The following FAM193B variants were observed in gnomAD, a reference collection of about 807,000 sequenced individuals.
The protein encoded by FAM193B is family with sequence similarity 193 member B.
Under a neutral mutation model 70.7 loss-of-function variants are expected in FAM193B, and 27 were observed. That is an observed-to-expected ratio of 0.38 (90% CI 0.28 to 0.53). The LOEUF (loss-of-function observed/expected upper bound fraction) is 0.53. FAM193B is among the 20% of genes least tolerant of loss of function. The pLI, the probability that FAM193B is intolerant of heterozygous loss-of-function variation, is 0.81. For synonymous variants in FAM193B, 448 were observed against 436.0 expected (o/e 1.03, Z -0.34); for missense variants, 1,022 against 1,072.5 (o/e 0.95, Z 0.66).
Position 177,554,485 on chromosome 5 carries a change from CCA to C in FAM193B, c.-29_-28del, listed in dbSNP as rs1766791419. Reference sequence around the variant, plus strand: ...CCGCCGCTCGCGCCGCTCCCTCGCTCCACACGCCGCCGCCGCCGCCGCCGCCG... The same window carrying C: ...CCGCCGCTCGCGCCGCTCCCTCGCTCCACGCCGCCGCCGCCGCCGCCGCCG... On this transcript the variant is annotated 5_prime_UTR_variant, in exon 1 of 9. Transcript: ENST00000514747. The C allele has an allele frequency of 1.4e-5, 10 of 729,742 alleles. No individual in the cohort carries two copies. Among genetic ancestry groups the C allele is most frequent in the Admixed American group, 4.9e-4 (1 of 2,036 alleles). The allele number at this position is 729,742 out of a possible 1,614,324, so 45.2% of individuals were successfully genotyped here. A position where few individuals can be genotyped will look rare whatever the true frequency, so the allele number is the denominator to read the frequency against.
At chr5:177,553,606 G>A (rs1766595095) in intron 1 of FAM193B, 1 of 1,212,752 alleles carries the variant, frequency 8.2e-7, no homozygotes. Flanking sequence ...TCCAAACCTG[G>A]GATCTCAAGG....
intron 4 of FAM193B, among the ~76,000 whole-genome samples, chr5:177,535,416 G>C (rs1764058220): frequency 6.6e-6 from 1 of 152,236 alleles, no homozygotes; most frequent in African/African-American, 2.4e-5. Context: ...GATAAACACA[G>C]ATCTGATTTC....
chr5:177,523,854 C>T, intron 7 of FAM193B, 103 bp downstream of exon 7: 1 of 1,352,136 alleles, frequency 7.4e-7, no homozygotes, highest in Admixed American at 1.8e-5. Flanking sequence ...GGGTCAGGGC[C>T]AAGGGAGCAG....
rs990876497 is a variant in FAM193B at position 177,532,072 on chromosome 5, G to C, written c.1275+371C>G. ...TGTCCCTCGGCTGGCTGTCACACTTGGGGGACTGAGAGCCTTTTTGCTTCC... is the reference window on the plus strand; with the variant it reads ...TGTCCCTCGGCTGGCTGTCACACTTCGGGGACTGAGAGCCTTTTTGCTTCC... On this transcript the variant is annotated intron_variant, in intron 5 of 8. Coordinates refer to ENST00000514747, the MANE Select transcript of FAM193B (RefSeq NM_001190946.3). This position sits in a 1 kb window ranked among gnomAD's most constrained non-coding sequence, Gnocchi z 4.9. 7.7e-7 allele frequency: 1 copy of C among 1,297,074 alleles called. No homozygotes were observed. Among genetic ancestry groups the C allele is most frequent in the Non-Finnish European group, 1.0e-6 (1 of 994,288 alleles). The allele number at this position is 1,297,074 out of a possible 1,614,324, so 80.3% of individuals were successfully genotyped here.
At position 177,532,100 on chromosome 5, in the gene FAM193B, T is replaced by C; in HGVS notation, c.1275+343A>G. 4 of 1,311,588 alleles carry C rather than the reference T, an allele frequency of 3.0e-6. No individual in the cohort carries two copies. The highest frequency in any genetic ancestry group is 4.0e-6 in the Non-Finnish European group (4 of 1,004,000). 81.2% of individuals were successfully genotyped at this position (1,311,588 alleles called of 1,614,324 possible). ...GGACTGAGAGCCTTTTTGCTTCCAC[T>C]CTGCCTTCATCACTCCCAAGCGTTC... On this transcript the variant is annotated intron_variant, in intron 5 of 8. Transcript: ENST00000514747. The surrounding 1 kb of genome is among the most constrained non-coding windows in gnomAD (Gnocchi z 4.9).
At chr5:177,531,898 T>C (rs1763522000) in intron 5 of FAM193B, 1 of 1,191,440 alleles carries the variant, frequency 8.4e-7, no homozygotes, top group African/African-American at 1.6e-5. Flanking sequence ...TTAATTACTT[T>C]CATTTCTTCT....
chr5:177,529,656 A>G (rs1263937356), intron 5 of FAM193B, among the ~76,000 whole-genome samples: 2 of 152,188 alleles, frequency 1.3e-5, no homozygotes, highest in South Asian at 4.1e-4. Context: ...ACTTGGAAGG[A>G]AAGTTTGTCA....
At chr5:177,530,727 A>G (rs756063697) in intron 5 of FAM193B, among the ~76,000 whole-genome samples, 28 of 152,168 alleles carry the variant, frequency 1.8e-4, no homozygotes, top group Non-Finnish European at 3.5e-4. Flanking sequence ...CCCTCCCTCA[A>G]CAACACTGTC....
At chr5:177,553,500 C>T (rs1766575752) in intron 1 of FAM193B, 1 of 1,121,936 alleles carries the variant, frequency 8.9e-7, no homozygotes, top group African/African-American at 1.7e-5. Flanking sequence ...AGGGTACCTC[C>T]CGTTATCTCC....
Position 177,532,071 on chromosome 5 carries a change from TGGG to T in FAM193B, c.1275+369_1275+371del. 1.1e-5 allele frequency: 14 copies of T among 1,296,834 alleles called. No homozygotes were observed. Among genetic ancestry groups the T allele is most frequent in the Non-Finnish European group, 1.4e-5 (14 of 994,094 alleles). 80.3% of individuals were successfully genotyped at this position (1,296,834 alleles called of 1,614,324 possible). On this transcript the variant is annotated intron_variant, in intron 5 of 8. Transcript: ENST00000514747. The surrounding 1 kb of genome is among the most constrained non-coding windows in gnomAD (Gnocchi z 4.9). Reference sequence around the variant, plus strand: ...CTGTCCCTCGGCTGGCTGTCACACTTGGGGGACTGAGAGCCTTTTTGCTTCCAC... The same window carrying T: ...CTGTCCCTCGGCTGGCTGTCACACTTGGACTGAGAGCCTTTTTGCTTCCAC...
At chr5:177,536,308 A>G (rs746555229) in intron 4 of FAM193B, 50 bp downstream of exon 4, 1 of 1,584,010 alleles carries the variant, frequency 6.3e-7, no homozygotes, top group East Asian at 2.3e-5. Context: ...ATTTTCCAAA[A>G]TTCTAAGTTC....
intron 1 of FAM193B, among the ~76,000 whole-genome samples, chr5:177,549,581 A>T (rs1004208405): frequency 1.3e-5 from 2 of 152,238 alleles, no homozygotes; most frequent in African/African-American, 4.8e-5. Flanking sequence ...TTGAACCTTT[A>T]TTCAGAGGAA....
chr5:177,524,149 G>A (rs764569959), intron 6 of FAM193B, 36 bp downstream of exon 6: 191 of 1,593,136 alleles, frequency 1.2e-4, no homozygotes, highest in Non-Finnish European at 1.5e-4. Context: ...ACTGGCTGGG[G>A]TAGGGGGTCA....
At chr5:177,523,430 A>C (rs1443626973) in intron 7 of FAM193B, 3 of 226,676 alleles carry the variant, frequency 1.3e-5, no homozygotes, top group Non-Finnish European at 2.8e-5. Flanking sequence ...CTTTCACCCT[A>C]ATCTTTTGTA....
intron 1 of FAM193B, chr5:177,552,074 C>T (rs1766331185): frequency 1.0e-6 from 1 of 985,272 alleles, no homozygotes; most frequent in African/African-American, 1.7e-5. Context: ...TTGTCTGACA[C>T]CTACAGTTGG....
Position 177,554,548 on chromosome 5 carries a change from G to A in FAM193B, c.-90C>T. 2 of 801,056 alleles carry A rather than the reference G, an allele frequency of 2.5e-6. No homozygotes were observed. The highest frequency in any genetic ancestry group is 3.0e-6 in the Non-Finnish European group (2 of 658,624). 49.6% of individuals were successfully genotyped at this position (801,056 alleles called of 1,614,324 possible). On this transcript the variant is annotated 5_prime_UTR_variant, in exon 1 of 9. Coordinates refer to ENST00000514747, the MANE Select transcript of FAM193B (RefSeq NM_001190946.3). ...CGCCGCCGCTACCGCTCCCCTCACA[G>A]GACAACAGCCAATATGGCGGCGCCC...
chr5:177,533,646 T>C (rs2545803), intron 4 of FAM193B, among the ~76,000 whole-genome samples: 63,893 of 152,046 alleles, frequency 0.42, 14,659 homozygotes, highest in East Asian at 0.63. Context: ...TCCTCCAAAA[T>C]AAGTGTCATT....
chr5:177,553,353 G>A, intron 1 of FAM193B: 1 of 994,040 alleles, frequency 1.0e-6, no homozygotes, highest in Non-Finnish European at 1.2e-6. Flanking sequence ...CTGCCTTCCT[G>A]GGCAGGCTCA....
intron 1 of FAM193B, among the ~76,000 whole-genome samples, chr5:177,545,982 CCT>C (rs1356184861): frequency 4.6e-5 from 7 of 152,192 alleles, no homozygotes; most frequent in Non-Finnish European, 7.3e-5. Context: ...ACTCCAAGAG[CCT>C]CTCTGTCACC....
Sources: gnomAD v4.1 joint callset for allele counts (sites outside exome capture counted in the v4.1 genomes callset) on GRCh38, gnomAD v4.1.1 for gene constraint, Gnocchi (gnomAD v3.1) non-coding constraint, MANE v1.5 for transcripts, NCBI Gene and HGNC (gene_info 2026-07-23, HGNC 2026-07-21) for gene names.